The following RIMS1 variants were observed in gnomAD, a reference collection of about 807,000 sequenced individuals.
The protein encoded by RIMS1 is regulating synaptic membrane exocytosis protein 1.
RIMS1 carries 83 observed loss-of-function variants against 214.1 expected under a neutral mutation model. The ratio of observed to expected loss-of-function variants is 0.39; its 90% CI spans 0.32 to 0.47. The LOEUF is 0.47. RIMS1 is among the 20% of genes least tolerant of loss of function. The pLI is 0.99. For missense variants in RIMS1, 2,050 were observed against 2,161.8 expected (o/e 0.95, Z 1.03); for synonymous variants, 793 against 786.8 (o/e 1.01, Z -0.13).
chr6:71,893,159 G>A (rs927598019), intron 1 of RIMS1, among the ~76,000 whole-genome samples: 3 of 152,146 alleles, frequency 2.0e-5, no homozygotes, highest in Non-Finnish European at 4.4e-5. Flanking sequence ...TAGGGGGCTT[G>A]GGAAGATGAG....
chr6:72,183,199 G>C, intron 6 of RIMS1, 50 bp downstream of exon 6: 1 of 1,552,706 alleles, frequency 6.4e-7, no homozygotes, highest in Non-Finnish European at 8.7e-7. Flanking sequence ...GTGAAGAGGC[G>C]TGGGCAGAGG....
intron 29 of RIMS1, among the ~76,000 whole-genome samples, chr6:72,364,179 G>T (rs1466693190): frequency 6.6e-6 from 1 of 152,136 alleles, no homozygotes. Flanking sequence ...AATATTGCCA[G>T]TGACATCACT....
Position 72,251,283 on chromosome 6 carries a change from T to A in RIMS1, c.2613T>A (p.Asp871Glu). Reference sequence around the variant, plus strand: ...ATTGGTATAAACTTCAGACACATGATGAGTCTTCACTACCTCTGCCTCAGC... The same window carrying A: ...ATTGGTATAAACTTCAGACACATGAAGAGTCTTCACTACCTCTGCCTCAGC... ...EPHWYKLQTH[D>E]ESSLPLPQPS... Residue 871 changes from aspartate to glutamate, a missense_variant, in exon 15 of 34, where the codon GAT (aspartate) becomes GAA (glutamate). By Grantham distance (45) the Asp-to-Glu change is conservative. Around this residue, in one of 6 missense-constraint regions of RIMS1, gnomAD observed 889 missense variants for 885.5 expected, o/e 1.00. Transcript: ENST00000521978. The A allele has an allele frequency of 6.3e-7, 1 of 1,599,266 alleles. No individual in the cohort carries two copies. Among genetic ancestry groups the A allele is most frequent in the Non-Finnish European group, 8.5e-7 (1 of 1,172,174 alleles).
intron 2 of RIMS1, among the ~76,000 whole-genome samples, chr6:72,065,419 C>G (rs924523844): frequency 6.6e-6 from 1 of 152,002 alleles, no homozygotes; most frequent in Non-Finnish European, 1.5e-5. Flanking sequence ...TGTCAAAAAC[C>G]TTTTGTCCTT....
At chr6:72,183,315 T>A (rs2153971105) in intron 6 of RIMS1, among the ~76,000 whole-genome samples, 166 bp downstream of exon 6, 1 of 152,340 alleles carries the variant, frequency 6.6e-6, no homozygotes, top group Admixed American at 6.5e-5. Flanking sequence ...AATTTAATTT[T>A]ATTGATTGAT....
chr6:72,082,920 C>T (rs564680201), intron 2 of RIMS1, among the ~76,000 whole-genome samples: 1 of 152,256 alleles, frequency 6.6e-6, no homozygotes, highest in East Asian at 1.9e-4. Flanking sequence ...TTCTGAGAAA[C>T]AAAGCAGGTT....
At chr6:72,114,517 A>G (rs2036698026) in intron 4 of RIMS1, among the ~76,000 whole-genome samples, 1 of 152,046 alleles carries the variant, frequency 6.6e-6, no homozygotes, top group African/African-American at 2.4e-5. Flanking sequence ...GCTGCTTATA[A>G]CAGATTTTAA....
At position 72,250,385 on chromosome 6, in the gene RIMS1, C is replaced by T. The variant is rs1345867736; in HGVS notation, c.2297C>T (p.Ala766Val). The change falls in exon 13 of 34, where the codon GCA becomes GTA. Residue 766 changes from alanine to valine, a missense_variant. Ala to Val is a moderately conservative substitution (Grantham distance 64). Transcript: ENST00000521978. ...CAGCTGATTGTAAATGTTCTGCAAG[C>T]AACAGATCTACCTGCTAGAGTAGAT... ...GHQLIVNVLQ[A>V]TDLPARVDGR... 6.2e-7 allele frequency: 1 copy of T among 1,609,262 alleles called. No individual in the cohort carries two copies. The highest frequency in any genetic ancestry group is 1.1e-5 in the South Asian group (1 of 90,548).
At chr6:71,916,106 C>T (rs1778335912) in intron 1 of RIMS1, among the ~76,000 whole-genome samples, 1 of 152,042 alleles carries the variant, frequency 6.6e-6, no homozygotes, top group African/African-American at 2.4e-5. Flanking sequence ...TCAGCACTCT[C>T]AAATTCTTTG....
chr6:72,181,305 G>A (rs1336069853), intron 5 of RIMS1, among the ~76,000 whole-genome samples: 8 of 152,164 alleles, frequency 5.3e-5, no homozygotes, highest in African/African-American at 1.9e-4. Context: ...GAGAATGAGT[G>A]TTACTAAGCT....
intron 1 of RIMS1, among the ~76,000 whole-genome samples, chr6:71,899,704 G>A (rs1207594822): frequency 6.6e-6 from 1 of 152,086 alleles, no homozygotes; most frequent in Admixed American, 6.6e-5. Context: ...GGATTTTATG[G>A]CAGTGGCTAT....
Position 72,235,700 on chromosome 6 carries a change from A to G in RIMS1, c.1829A>G (p.Lys610Arg), listed in dbSNP as rs763336345. 3.1e-6 allele frequency: 5 copies of G among 1,607,646 alleles called. No individual in the cohort carries two copies. In the Admixed American group the frequency reaches 6.7e-5, roughly 22 times the overall value. ...CTTAACAAGAGAACAACCATGCCCA[A>G]AGACTCAGGTGCATTGCTGGGTCTG... The part of the protein sequence containing the change: ...VILNKRTTMP[K>R]DSGALLGLKV... Residue 610 changes from lysine to arginine, a missense_variant, in exon 8 of 34, where the codon AAA (lysine) becomes AGA (arginine). This residue lies in a region of RIMS1 where 111 missense variants were observed against 166.2 expected (regional missense o/e 0.67). Transcript: ENST00000521978.
chr6:71,894,684 A>G (rs1305363998), intron 1 of RIMS1, among the ~76,000 whole-genome samples: 1 of 152,182 alleles, frequency 6.6e-6, no homozygotes, highest in Non-Finnish European at 1.5e-5. Context: ...TTGGGATGTA[A>G]TATTTTGATA....
At chr6:72,145,341 G>A (rs1368503726) in intron 4 of RIMS1, among the ~76,000 whole-genome samples, 1 of 152,166 alleles carries the variant, frequency 6.6e-6, no homozygotes, top group Non-Finnish European at 1.5e-5. Context: ...TTGGCCAGGT[G>A]TGTCGGCTCA....
intron 19 of RIMS1, chr6:72,262,926 A>G: frequency 1.9e-5 from 9 of 481,388 alleles, no homozygotes; most frequent in Non-Finnish European, 2.4e-5. Flanking sequence ...TATTTAATGT[A>G]CTTTGTCAAT....
chr6:72,100,153 A>G (rs1026747986), intron 4 of RIMS1, among the ~76,000 whole-genome samples, 167 bp downstream of exon 4: 6 of 152,070 alleles, frequency 3.9e-5, no homozygotes, highest in Admixed American at 1.3e-4. Flanking sequence ...TAGGAGCATT[A>G]CAGAGTTTGA....
intron 2 of RIMS1, among the ~76,000 whole-genome samples, chr6:72,069,737 T>G (rs1299787775): frequency 3.3e-5 from 5 of 152,162 alleles, no homozygotes; most frequent in Admixed American, 3.3e-4. Context: ...GTAGGCCAAT[T>G]GTATGATTTT....
At chr6:72,066,529 C>A (rs1251024371) in intron 2 of RIMS1, among the ~76,000 whole-genome samples, 1 of 152,124 alleles carries the variant, frequency 6.6e-6, no homozygotes, top group Non-Finnish European at 1.5e-5. Flanking sequence ...AAACTGGATC[C>A]TTTTCTTCTT....
chr6:72,235,324 C>T (rs55761718), intron 7 of RIMS1, among the ~76,000 whole-genome samples: 201 of 152,102 alleles, frequency 1.3e-3, no homozygotes, highest in African/African-American at 4.6e-3. Flanking sequence ...ATTGTATATT[C>T]TTTAACAAAT....
Sources: gnomAD v4.1 joint callset for allele counts (sites outside exome capture counted in the v4.1 genomes callset) on GRCh38, gnomAD v4.1.1 for gene constraint, gnomAD v4.1.1 regional missense constraint, MANE v1.5 for transcripts, NCBI Gene and HGNC (gene_info 2026-07-23, HGNC 2026-07-21) for gene names.